SCHIP1: variants seen among roughly 807,000 people sequenced by gnomAD.
SCHIP1 encodes schwannomin interacting protein 1.
A neutral mutation model predicts 29.7 loss-of-function variants in SCHIP1; 8 were observed. The ratio of observed to expected loss-of-function variants is 0.27; its 90% CI spans 0.16 to 0.49. SCHIP1 has a LOEUF of 0.49. Among genes scored for constraint, SCHIP1 ranks in the 20% least tolerant of loss-of-function variants. The pLI is 0.99. For missense variants in SCHIP1, 193 were observed against 294.6 expected, an observed-to-expected ratio of 0.66 and a Z score of 2.52; for synonymous variants, 76 against 94.9, an observed-to-expected ratio of 0.80 and a Z score of 1.16.
the SCHIP1 span, among the ~76,000 whole-genome samples, chr3:159,684,069 G>C: frequency 6.6e-6 from 1 of 152,118 alleles, no homozygotes; most frequent in South Asian, 2.1e-4. Flanking sequence ...GCTGGGCTTT[G>C]AGCACACCTT....
At chr3:159,468,777 A>ATATATTTT in the SCHIP1 span, among the ~76,000 whole-genome samples, 8 of 127,332 alleles carry the variant, frequency 6.3e-5, no homozygotes, top group South Asian at 5.1e-4. Flanking sequence ...ATATATATAT[A>ATATATTTT]TTTTTTTTAG....
chr3:159,530,668 G>A, the SCHIP1 span, among the ~76,000 whole-genome samples: 4 of 152,246 alleles, frequency 2.6e-5, no homozygotes, highest in African/African-American at 7.2e-5. Flanking sequence ...GGAAATAAGA[G>A]TAACGAGTTG....
At chr3:159,316,959 C>T in the SCHIP1 span, among the ~76,000 whole-genome samples, 2 of 152,202 alleles carry the variant, frequency 1.3e-5, no homozygotes, top group Admixed American at 1.3e-4. Flanking sequence ...TCTTCTACTA[C>T]CCATTCTGTA....
chr3:159,371,792 A>C, the SCHIP1 span, among the ~76,000 whole-genome samples: 41 of 152,286 alleles, frequency 2.7e-4, no homozygotes, highest in East Asian at 7.9e-3. Context: ...TGCTATGTAG[A>C]TATTATACTG....
chr3:159,775,275 G>A, the SCHIP1 span, among the ~76,000 whole-genome samples: 1 of 152,242 alleles, frequency 6.6e-6, no homozygotes, highest in Non-Finnish European at 1.5e-5. Flanking sequence ...AGGAAAGTGT[G>A]TGGGGTTGGG....
the SCHIP1 span, among the ~76,000 whole-genome samples, chr3:159,542,110 T>C: frequency 2.1e-3 from 317 of 152,232 alleles, 9 homozygotes; most frequent in East Asian, 0.05. Flanking sequence ...AAAGCTTTGT[T>C]AATATTGTAT....
the SCHIP1 span, among the ~76,000 whole-genome samples, chr3:159,638,207 A>T: frequency 6.6e-6 from 1 of 152,124 alleles, no homozygotes; most frequent in Non-Finnish European, 1.5e-5. Context: ...CGTGTACCTC[A>T]ATTTTTTGCT....
At chr3:159,589,945 G>GAGT in the SCHIP1 span, among the ~76,000 whole-genome samples, 1 of 152,180 alleles carries the variant, frequency 6.6e-6, no homozygotes, top group Non-Finnish European at 1.5e-5. Context: ...GCAAGTGAGA[G>GAGT]AGTAGGGTGG....
chr3:159,490,525 T>C, the SCHIP1 span, among the ~76,000 whole-genome samples: 3 of 152,214 alleles, frequency 2.0e-5, no homozygotes, highest in African/African-American at 7.2e-5. Flanking sequence ...CTCAACTTCA[T>C]TGAGTTACCC....
the SCHIP1 span, among the ~76,000 whole-genome samples, chr3:159,674,104 T>C: frequency 6.6e-6 from 1 of 152,226 alleles, no homozygotes; most frequent in South Asian, 2.1e-4. Context: ...ATATAACTCA[T>C]CTGCAAAACC....
the SCHIP1 span, among the ~76,000 whole-genome samples, chr3:159,321,916 CT>C: frequency 6.6e-6 from 1 of 151,982 alleles, no homozygotes; most frequent in East Asian, 1.9e-4. Flanking sequence ...ATTACTAACT[CT>C]TTTTGTTAGT....
the SCHIP1 span, among the ~76,000 whole-genome samples, chr3:159,303,640 G>T: frequency 6.6e-5 from 10 of 152,062 alleles, no homozygotes; most frequent in African/African-American, 2.2e-4. Flanking sequence ...CTAGGGGAAA[G>T]CTGTGAAGGT....
At chr3:159,706,462 T>A in the SCHIP1 span, among the ~76,000 whole-genome samples, 18 of 152,326 alleles carry the variant, frequency 1.2e-4, no homozygotes, top group African/African-American at 4.1e-4. Flanking sequence ...GTCTGCAAAC[T>A]CTGTATAAAT....
At chr3:159,581,614 T>C in the SCHIP1 span, among the ~76,000 whole-genome samples, 1 of 152,066 alleles carries the variant, frequency 6.6e-6, no homozygotes, top group Non-Finnish European at 1.5e-5. Context: ...AGCCTGACTA[T>C]CCACCCCTCT....
the SCHIP1 span, among the ~76,000 whole-genome samples, chr3:159,790,083 G>C: frequency 6.6e-6 from 1 of 152,126 alleles, no homozygotes; most frequent in Admixed American, 6.5e-5. Flanking sequence ...TTTATACTTG[G>C]ATTAAGACAG....
At chr3:159,867,295 A>G (rs1221102866) in intron 2 of SCHIP1, among the ~76,000 whole-genome samples, 3 of 152,216 alleles carry the variant, frequency 2.0e-5, no homozygotes, top group Non-Finnish European at 2.9e-5. Flanking sequence ...TTGGAAACAA[A>G]TTATAGTATT....
At chr3:159,611,659 T>C in the SCHIP1 span, among the ~76,000 whole-genome samples, 151,291 of 152,250 alleles carry the variant, frequency 0.99, 75,183 homozygotes, top group Middle Eastern at 1. Context: ...AACAAACCTG[T>C]ATGTTCTGCA....
chr3:159,606,571 G>A, the SCHIP1 span, among the ~76,000 whole-genome samples: 1 of 152,120 alleles, frequency 6.6e-6, no homozygotes, highest in Admixed American at 6.6e-5. Context: ...TAGTGAAGGG[G>A]CTACTTAAGA....
At chr3:159,325,826 A>G in the SCHIP1 span, among the ~76,000 whole-genome samples, 1 of 151,946 alleles carries the variant, frequency 6.6e-6, no homozygotes, top group South Asian at 2.1e-4. Flanking sequence ...AGTGTTTCTG[A>G]TTTTGAGAGA....
Sources: allele counts gnomAD v4.1 joint callset (sites outside exome capture counted in the v4.1 genomes callset), GRCh38; gene constraint gnomAD v4.1.1; transcripts MANE v1.5; gene names NCBI Gene and HGNC (gene_info 2026-07-23, HGNC 2026-07-21).